The following LRMDA variants were observed in gnomAD, a reference collection of about 807,000 sequenced individuals.
The protein encoded by LRMDA is leucine rich melanocyte differentiation associated.
Under a neutral mutation model 29.8 loss-of-function variants are expected in LRMDA, and 18 were observed. The observed-to-expected ratio is 0.60, with a 90% CI of 0.42 to 0.90. LRMDA has a LOEUF of 0.90. Ranked by LOEUF, LRMDA falls within the 40% of genes least tolerant of loss-of-function variation. LRMDA has a pLI of 0.00. For synonymous variants in LRMDA, 125 were observed against 109.4 expected, an observed-to-expected ratio of 1.14 and a Z score of -0.89; for missense variants, 273 against 273.9, an observed-to-expected ratio of 1.00 and a Z score of 0.02.
At chr10:76,528,962 A>G (rs889980113) in intron 6 of LRMDA, among the ~76,000 whole-genome samples, 1 of 152,172 alleles carries the variant, frequency 6.6e-6, no homozygotes, top group African/African-American at 2.4e-5. Context: ...TGTGTATAAG[A>G]TGAAAGAGGA....
rs145680357 is a variant in LRMDA, at chr10:75,913,887, G to A, written c.132-122121G>A. Among the ~76,000 whole-genome samples, 790 of 152,238 alleles carry A rather than the reference G, an allele frequency of 5.2e-3. 8 individuals are homozygous for A. Among genetic ancestry groups the A allele is most frequent in the Non-Finnish European group, 4.5e-3 (307 of 68,024 alleles). On this transcript the variant is annotated intron_variant, in intron 2 of 6. Coordinates refer to ENST00000611255, the MANE Select transcript of LRMDA (RefSeq NM_001305581.2). ...CAGGCTCCCATTTGCTTATTTTCCC[G>A]TATGAATCCCTTGTGAGCTTATCCT...
At chr10:75,558,315 A>G (rs1840242224) in intron 2 of LRMDA, among the ~76,000 whole-genome samples, 3 of 152,064 alleles carry the variant, frequency 2.0e-5, no homozygotes, top group Admixed American at 6.5e-5. Flanking sequence ...GAAGAATGCT[A>G]TTTCCAAGCA....
chr10:75,911,582 C>T (rs1001357294), intron 2 of LRMDA, among the ~76,000 whole-genome samples: 9 of 152,272 alleles, frequency 5.9e-5, no homozygotes, highest in Admixed American at 1.3e-4. Context: ...GTAATGCTGG[C>T]GTTTATGAAA....
intron 2 of LRMDA, among the ~76,000 whole-genome samples, chr10:75,446,597 G>C (rs563605737): frequency 6.6e-6 from 1 of 152,322 alleles, no homozygotes; most frequent in African/African-American, 2.4e-5. Flanking sequence ...GTTCTGACTG[G>C]AATGAGTATA....
intron 2 of LRMDA, among the ~76,000 whole-genome samples, chr10:75,906,161 C>G (rs1287895809): frequency 6.6e-6 from 1 of 151,992 alleles, no homozygotes; most frequent in African/African-American, 2.4e-5. Flanking sequence ...CTTCACTTAT[C>G]AAATGAGAAT....
At chr10:76,509,926 A>G (rs1842993496) in intron 6 of LRMDA, among the ~76,000 whole-genome samples, 1 of 152,220 alleles carries the variant, frequency 6.6e-6, no homozygotes, top group South Asian at 2.1e-4. Context: ...AAGCAGGTAT[A>G]TGTAAAGGAC....
intron 2 of LRMDA, among the ~76,000 whole-genome samples, chr10:75,810,213 A>G (rs1843933835): frequency 6.6e-6 from 1 of 152,166 alleles, no homozygotes; most frequent in African/African-American, 2.4e-5. Context: ...AGAGTTGGTG[A>G]TAGGGAAGGC....
intron 2 of LRMDA, among the ~76,000 whole-genome samples, chr10:75,858,434 G>C (rs1426835907): frequency 1.3e-5 from 2 of 151,980 alleles, no homozygotes; most frequent in Admixed American, 1.3e-4. Flanking sequence ...AATGCATAAG[G>C]CTCTCCACCC....
At chr10:76,502,930 T>C (rs1270038177) in intron 6 of LRMDA, among the ~76,000 whole-genome samples, 1 of 151,934 alleles carries the variant, frequency 6.6e-6, no homozygotes, top group African/African-American at 2.4e-5. Context: ...AATACTATTT[T>C]GAATAGGAGT....
At position 75,919,663 on chromosome 10, in the gene LRMDA, C is replaced by T. The variant is rs184746581; in HGVS notation, c.132-116345C>T. Among the ~76,000 whole-genome samples the T allele has an allele frequency of 2.4e-3, 361 of 152,110 alleles. 4 individuals are homozygous for T. In the South Asian group the frequency reaches 0.025, roughly 10 times the overall value. On this transcript the variant is annotated intron_variant, in intron 2 of 6. Transcript: ENST00000611255. ...CATGAAAACTCAATGGCTTACCCCC[C>T]GAAAAAGGCTTTCTGAAATCTTTAG...
At chr10:76,343,012 T>C (rs148097190) in intron 6 of LRMDA, among the ~76,000 whole-genome samples, 1 of 152,142 alleles carries the variant, frequency 6.6e-6, no homozygotes, top group African/African-American at 2.4e-5. Context: ...CTGTACTGTT[T>C]GCTGATTTCT....
intron 2 of LRMDA, among the ~76,000 whole-genome samples, chr10:75,452,453 T>C (rs925448198): frequency 6.6e-6 from 1 of 152,148 alleles, no homozygotes. Context: ...AACAGGATTT[T>C]TTTTTCCCCT....
intron 2 of LRMDA, among the ~76,000 whole-genome samples, chr10:76,004,083 A>C (rs1173386196): frequency 6.6e-6 from 1 of 152,256 alleles, no homozygotes; most frequent in Non-Finnish European, 1.5e-5. Flanking sequence ...AAGACTGATT[A>C]AAATTCTTAT....
intron 2 of LRMDA, among the ~76,000 whole-genome samples, chr10:75,613,516 A>T (rs961067436): frequency 6.6e-6 from 1 of 151,956 alleles, no homozygotes; most frequent in African/African-American, 2.4e-5. Context: ...TTTCATCCCT[A>T]CCCCTGGGGC....
chr10:76,085,197 C>T (rs1163720206), intron 5 of LRMDA, among the ~76,000 whole-genome samples: 1 of 152,118 alleles, frequency 6.6e-6, no homozygotes, highest in Non-Finnish European at 1.5e-5. Flanking sequence ...ATAAAGGGAC[C>T]TGGAGCTGTC....
intron 4 of LRMDA, among the ~76,000 whole-genome samples, chr10:76,049,381 G>T (rs1370581653): frequency 6.6e-6 from 1 of 152,204 alleles, no homozygotes; most frequent in East Asian, 1.9e-4. Flanking sequence ...CAAGATGCTT[G>T]CACTCTGAGA....
chr10:75,755,785 G>T (rs1192154231), intron 2 of LRMDA, among the ~76,000 whole-genome samples: 2 of 152,240 alleles, frequency 1.3e-5, no homozygotes, highest in East Asian at 3.8e-4. Context: ...GTGCAGTGGG[G>T]AGCAGGCAGC....
chr10:75,767,815 C>A (rs539660427), intron 2 of LRMDA, among the ~76,000 whole-genome samples: 1 of 152,150 alleles, frequency 6.6e-6, no homozygotes, highest in Non-Finnish European at 1.5e-5. Flanking sequence ...ATTAAGTTAA[C>A]GATCTTGGGC....
intron 2 of LRMDA, among the ~76,000 whole-genome samples, chr10:75,505,038 G>A (rs904248297): frequency 6.6e-6 from 1 of 152,182 alleles, no homozygotes; most frequent in Non-Finnish European, 1.5e-5. Flanking sequence ...AGAACTAGGT[G>A]AGAGATAGGT....
Sources: allele counts gnomAD v4.1 joint callset (sites outside exome capture counted in the v4.1 genomes callset), GRCh38; gene constraint gnomAD v4.1.1; transcripts MANE v1.5; gene names NCBI Gene and HGNC (gene_info 2026-07-23, HGNC 2026-07-21).